The following SLC35F3 variants were observed in gnomAD, a reference collection of about 807,000 sequenced individuals.
SLC35F3 encodes solute carrier family 35 member F3, also known as putative thiamine transporter SLC35F3.
A neutral mutation model predicts 49.9 loss-of-function variants in SLC35F3; 25 were observed. The ratio of observed to expected loss-of-function variants is 0.50; its 90% CI spans 0.37 to 0.70. The LOEUF is 0.70. SLC35F3 is among the 30% of genes least tolerant of loss of function. SLC35F3 has a pLI of 0.00. For synonymous variants in SLC35F3, 275 were observed against 265.4 expected, an observed-to-expected ratio of 1.04 and a Z score of -0.35; for missense variants, 525 against 639.8, an observed-to-expected ratio of 0.82 and a Z score of 1.94.
chr1:234,286,462 G>T (rs756305037), intron 3 of SLC35F3, among the ~76,000 whole-genome samples: 1 of 152,236 alleles, frequency 6.6e-6, no homozygotes, highest in African/African-American at 2.4e-5. Flanking sequence ...TAACTTTACC[G>T]TGAGTTATGT....
intron 2 of SLC35F3, among the ~76,000 whole-genome samples, chr1:233,920,580 G>T (rs1662042319): frequency 1.3e-5 from 2 of 152,222 alleles, no homozygotes; most frequent in Non-Finnish European, 2.9e-5. Flanking sequence ...CCCCTCTGGT[G>T]TTCATACCCT....
Position 233,963,879 on chromosome 1 carries a change from A to G in SLC35F3, c.283+58121A>G, listed in dbSNP as rs561808828. Among the ~76,000 whole-genome samples, 7 of 151,666 alleles carry G rather than the reference A, an allele frequency of 4.6e-5. 1 individual carries two copies. In the South Asian group the frequency reaches 1.5e-3, roughly 32 times the overall value. ...TAGTTGGCTCTTCTCAGCTGGAGTC[A>G]CTCTGGGTTCTGGAGCCTAGTTTTT... On this transcript the variant is annotated intron_variant, in intron 2 of 7. Transcript: ENST00000366618.
At chr1:234,106,036 A>G (rs1438485684) in intron 2 of SLC35F3, among the ~76,000 whole-genome samples, 2 of 152,204 alleles carry the variant, frequency 1.3e-5, no homozygotes, top group African/African-American at 4.8e-5. Context: ...ATGCCCTGTG[A>G]GTGTGAGACA....
intron 2 of SLC35F3, among the ~76,000 whole-genome samples, chr1:233,932,923 G>A (rs1011881567): frequency 2.0e-5 from 3 of 151,472 alleles, no homozygotes; most frequent in Non-Finnish European, 4.4e-5. Context: ...AATAAATGCT[G>A]CCTTTCTTAA....
chr1:233,931,066 G>A (rs910233264), intron 2 of SLC35F3, among the ~76,000 whole-genome samples: 1 of 152,128 alleles, frequency 6.6e-6, no homozygotes. Flanking sequence ...AAATGGTGTC[G>A]GGAAAACTGG....
In SLC35F3 at chr1:233,907,715, GTT is replaced by G. The variant is rs79176471; in HGVS notation, c.283+1966_283+1967del. Among the ~76,000 whole-genome samples the G allele has an allele frequency of 8.0e-5, 12 of 150,716 alleles. No homozygotes were observed. In the East Asian group the frequency reaches 1.9e-3, roughly 24 times the overall value. On this transcript the variant is annotated intron_variant, in intron 2 of 7. Transcript: ENST00000366618. ...ATGCAGCAAAAGAGGTTGTCTTTTT[GTT>G]TTTTTTTTCTTTGTTTTTTGAGAGG...
chr1:234,109,866 G>A (rs552640530), intron 2 of SLC35F3, among the ~76,000 whole-genome samples: 2 of 152,284 alleles, frequency 1.3e-5, no homozygotes, highest in East Asian at 1.9e-4. Context: ...CTTAGAGAAG[G>A]AGGCATTTGA....
intron 2 of SLC35F3, among the ~76,000 whole-genome samples, chr1:233,926,881 A>G (rs528864079): frequency 6.6e-6 from 1 of 151,958 alleles, no homozygotes; most frequent in African/African-American, 2.4e-5. Context: ...TTTTCCTTCT[A>G]ACAGTCAGGA....
chr1:234,288,636 C>T (rs1439887550), intron 3 of SLC35F3, among the ~76,000 whole-genome samples: 1 of 152,206 alleles, frequency 6.6e-6, no homozygotes, highest in African/African-American at 2.4e-5. Flanking sequence ...TCATGCCAGC[C>T]TCTTTGCTGA....
chr1:234,089,721 T>A (rs1260444174), intron 2 of SLC35F3, among the ~76,000 whole-genome samples: 1 of 151,900 alleles, frequency 6.6e-6, no homozygotes, highest in Admixed American at 6.6e-5. Flanking sequence ...GCTCACTGGG[T>A]AGGAGGAGAG....
Position 234,167,891 on chromosome 1 carries a change from C to G in SLC35F3, c.284-63526C>G, listed in dbSNP as rs557103475. 4.5e-4 allele frequency among the ~76,000 whole-genome samples: 69 copies of G among 152,284 alleles called. 1 individual carries two copies. Among genetic ancestry groups the G allele is most frequent in the African/African-American group, 1.5e-3 (61 of 41,560 alleles). Reference sequence around the variant, plus strand: ...CCAGCCCATGTTCTATCCCCTAGACCTGAGGTTGGCGCACTTTCTGGAATA... The same window carrying G: ...CCAGCCCATGTTCTATCCCCTAGACGTGAGGTTGGCGCACTTTCTGGAATA... On this transcript the variant is annotated intron_variant, in intron 2 of 7. Coordinates refer to ENST00000366618, the MANE Select transcript of SLC35F3 (RefSeq NM_173508.4).
chr1:233,954,984 C>T (rs1662672650), intron 2 of SLC35F3, among the ~76,000 whole-genome samples: 1 of 152,098 alleles, frequency 6.6e-6, no homozygotes, highest in Non-Finnish European at 1.5e-5. Flanking sequence ...GCTGGGATTA[C>T]AGGCACACAC....
chr1:233,968,625 C>T (rs1460019775), intron 2 of SLC35F3, among the ~76,000 whole-genome samples: 1 of 152,098 alleles, frequency 6.6e-6, no homozygotes, highest in East Asian at 1.9e-4. Flanking sequence ...GCTAGGATTA[C>T]AGGTGCACAC....
At chr1:234,088,040 T>G (rs1664986281) in intron 2 of SLC35F3, among the ~76,000 whole-genome samples, 1 of 152,274 alleles carries the variant, frequency 6.6e-6, no homozygotes, top group Non-Finnish European at 1.5e-5. Context: ...TGTGTTTTCA[T>G]TCCTCCCTCC....
chr1:233,928,633 G>A (rs1261970115), intron 2 of SLC35F3, among the ~76,000 whole-genome samples: 3 of 152,078 alleles, frequency 2.0e-5, no homozygotes, highest in Non-Finnish European at 2.9e-5. Context: ...ATACAGTACT[G>A]GTGTTTGGAA....
At chr1:234,239,328 G>A (rs1458013292) in intron 3 of SLC35F3, among the ~76,000 whole-genome samples, 1 of 152,190 alleles carries the variant, frequency 6.6e-6, no homozygotes, top group East Asian at 1.9e-4. Flanking sequence ...CGGATTTGCA[G>A]GATGTAACCA....
intron 3 of SLC35F3, among the ~76,000 whole-genome samples, chr1:234,289,574 T>C (rs1303067323): frequency 6.6e-6 from 1 of 152,162 alleles, no homozygotes; most frequent in Non-Finnish European, 1.5e-5. Context: ...CCTTGGGATA[T>C]GAGAAGAAAA....
At chr1:233,922,729 A>G (rs1365777650) in intron 2 of SLC35F3, among the ~76,000 whole-genome samples, 1 of 152,086 alleles carries the variant, frequency 6.6e-6, no homozygotes, top group Non-Finnish European at 1.5e-5. Context: ...GCCCATACCC[A>G]TGTCATGAAT....
chr1:234,224,268 T>C (rs1197182494), intron 2 of SLC35F3, among the ~76,000 whole-genome samples: 4 of 152,184 alleles, frequency 2.6e-5, no homozygotes, highest in East Asian at 3.9e-4. Context: ...AGTTTCGCCA[T>C]GTTGCCAACA....
Sources: gnomAD v4.1 joint callset for allele counts (sites outside exome capture counted in the v4.1 genomes callset) on GRCh38, gnomAD v4.1.1 for gene constraint, MANE v1.5 for transcripts, NCBI Gene and HGNC (gene_info 2026-07-23, HGNC 2026-07-21) for gene names.